Variants in RAD51B observed in about 807,000 individuals in gnomAD.
RAD51B encodes DNA repair protein RAD51 homolog 2.
RAD51B carries 38 observed loss-of-function variants against 42.2 expected under a neutral mutation model. That is an observed-to-expected ratio of 0.90 (90% CI 0.70 to 1.18). The LOEUF is 1.18. Among genes scored for constraint, RAD51B ranks in the 50% most tolerant of loss-of-function variants. The pLI, the probability that RAD51B is intolerant of heterozygous loss-of-function variation, is 0.00. For synonymous variants in RAD51B, 154 were observed against 145.2 expected (o/e 1.06, Z -0.43); for missense variants, 373 against 400.7 (o/e 0.93, Z 0.59).
rs73288097 is a variant in RAD51B, at chr14:68,195,452, G to A, written c.757-96432G>A. ...CACTCTTACTTACCTCTAATTAACA[G>A]CTTTCAGACTTTTTTGAGGATGACC... On this transcript the variant is annotated intron_variant, in intron 7 of 10. Coordinates refer to ENST00000471583, the MANE Select transcript of RAD51B (RefSeq NM_133510.4). Among the ~76,000 whole-genome samples the A allele has an allele frequency of 7.5e-3, 1,135 of 152,146 alleles. 14 individuals carry two copies. Among genetic ancestry groups the A allele is most frequent in the African/African-American group, 0.026 (1,098 of 41,496 alleles).
intron 7 of RAD51B, among the ~76,000 whole-genome samples, chr14:68,181,300 G>A (rs774404302): frequency 1.3e-5 from 2 of 152,204 alleles, no homozygotes; most frequent in Non-Finnish European, 2.9e-5. Flanking sequence ...AAATTACTCT[G>A]AGTTTTATGA....
intron 7 of RAD51B, among the ~76,000 whole-genome samples, chr14:67,993,624 C>T (rs542540741): frequency 5.3e-5 from 8 of 152,206 alleles, no homozygotes; most frequent in African/African-American, 1.9e-4. Flanking sequence ...TTCCAAATCT[C>T]GGCTGTTGTG....
chr14:68,334,796 A>G (rs1309259745), intron 8 of RAD51B, among the ~76,000 whole-genome samples: 1 of 151,486 alleles, frequency 6.6e-6, no homozygotes, highest in Non-Finnish European at 1.5e-5. Context: ...ACTTTACTTG[A>G]TATATCATGT....
intron 8 of RAD51B, among the ~76,000 whole-genome samples, chr14:68,366,639 G>A (rs1057142264): frequency 1.3e-5 from 2 of 152,298 alleles, no homozygotes; most frequent in African/African-American, 4.8e-5. Flanking sequence ...AGAAAGTTCC[G>A]TTAAATCCAA....
intron 10 of RAD51B, among the ~76,000 whole-genome samples, chr14:68,469,376 C>T (rs1371315409): frequency 6.6e-6 from 1 of 152,208 alleles, no homozygotes; most frequent in African/African-American, 2.4e-5. Flanking sequence ...AAAATGTCTG[C>T]TTCTTAATGG....
intron 8 of RAD51B, among the ~76,000 whole-genome samples, chr14:68,305,188 C>T (rs1595685810): frequency 6.6e-6 from 1 of 152,186 alleles, no homozygotes; most frequent in Non-Finnish European, 1.5e-5. Flanking sequence ...TACTGCAGAA[C>T]TCTTTACTGT....
intron 7 of RAD51B, among the ~76,000 whole-genome samples, chr14:67,931,044 C>T (rs1413619336): frequency 6.6e-6 from 1 of 152,116 alleles, no homozygotes; most frequent in African/African-American, 2.4e-5. Context: ...CCTCAGCCTC[C>T]CAAGTAGCTG....
At chr14:68,516,805 T>C (rs139380585) in intron 10 of RAD51B, among the ~76,000 whole-genome samples, 128 of 152,370 alleles carry the variant, frequency 8.4e-4, no homozygotes, top group African/African-American at 2.7e-3. Context: ...AAATTTGATA[T>C]ATTTCTTGAT....
At chr14:68,506,374 C>G (rs1190142055) in intron 10 of RAD51B, among the ~76,000 whole-genome samples, 1 of 152,232 alleles carries the variant, frequency 6.6e-6, no homozygotes, top group Non-Finnish European at 1.5e-5. Flanking sequence ...CTCCCCAACA[C>G]TCAGGCTCGG....
chr14:68,364,619 G>T (rs911688814), intron 8 of RAD51B, among the ~76,000 whole-genome samples: 1 of 151,976 alleles, frequency 6.6e-6, no homozygotes, highest in African/African-American at 2.4e-5. Flanking sequence ...CTCACAGGGC[G>T]CTGTGGCAAC....
intron 8 of RAD51B, among the ~76,000 whole-genome samples, chr14:68,321,385 G>A (rs938624946): frequency 6.6e-6 from 1 of 152,060 alleles, no homozygotes; most frequent in East Asian, 1.9e-4. Flanking sequence ...TTATACACTC[G>A]CCAAGCTTGC....
chr14:67,937,263 A>C (rs1290604643), intron 7 of RAD51B, among the ~76,000 whole-genome samples: 3 of 152,258 alleles, frequency 2.0e-5, no homozygotes, highest in Non-Finnish European at 4.4e-5. Context: ...AATGTCCTAC[A>C]GCACATGACA....
At chr14:67,965,619 A>G (rs1027924504) in intron 7 of RAD51B, among the ~76,000 whole-genome samples, 2 of 151,744 alleles carry the variant, frequency 1.3e-5, no homozygotes, top group African/African-American at 4.8e-5. Flanking sequence ...TCATCTCATT[A>G]CCTGCCATAA....
intron 4 of RAD51B, among the ~76,000 whole-genome samples, chr14:67,837,156 T>C (rs536896965): frequency 9.3e-5 from 14 of 150,594 alleles, no homozygotes; most frequent in African/African-American, 2.9e-4. Context: ...CACACACACA[T>C]ACACACACAC....
chr14:68,541,204 G>T (rs774947430), intron 10 of RAD51B: 15 of 985,414 alleles, frequency 1.5e-5, no homozygotes, highest in Non-Finnish European at 1.8e-5. Context: ...TCCTTTCTCT[G>T]CTCAGCTCCG....
chr14:67,981,836 C>T (rs1003797493), intron 7 of RAD51B, among the ~76,000 whole-genome samples: 36 of 152,062 alleles, frequency 2.4e-4, no homozygotes, highest in African/African-American at 8.5e-4. Flanking sequence ...CAAAGAGGCA[C>T]AAGGAAACTT....
intron 5 of RAD51B, among the ~76,000 whole-genome samples, chr14:67,882,701 G>A (rs1365647349): frequency 2.0e-5 from 3 of 151,928 alleles, no homozygotes; most frequent in African/African-American, 7.3e-5. Flanking sequence ...CTTCAATAAA[G>A]TTGTGATTCC....
chr14:68,214,397 T>C (rs1478477889), intron 7 of RAD51B, among the ~76,000 whole-genome samples: 1 of 152,150 alleles, frequency 6.6e-6, no homozygotes, highest in African/African-American at 2.4e-5. Context: ...AATGGAGCAC[T>C]CTTATCTCTG....
chr14:68,662,955 C>G (rs1452057357), intron 11 of RAD51B, among the ~76,000 whole-genome samples: 6 of 152,194 alleles, frequency 3.9e-5, no homozygotes, highest in Admixed American at 2.0e-4. Context: ...TACTGGGCAC[C>G]CTTGCCCTCT....
Sources: gnomAD v4.1 joint callset for allele counts (sites outside exome capture counted in the v4.1 genomes callset) on GRCh38, gnomAD v4.1.1 for gene constraint, MANE v1.5 for transcripts, NCBI Gene and HGNC (gene_info 2026-07-23, HGNC 2026-07-21) for gene names.